LINGO2: variants seen among roughly 807,000 people sequenced by gnomAD.
The protein encoded by LINGO2 is leucine rich repeat and Ig domain containing 2, also known as leucine-rich repeat and immunoglobulin-like domain-containing nogo receptor-interacting protein 2.
In LINGO2, 14 loss-of-function variants were observed where a neutral mutation model predicts 30.6. The observed-to-expected ratio is 0.46, with a 90% confidence interval of 0.30 to 0.72. The LOEUF (loss-of-function observed/expected upper bound fraction) is 0.72, where lower values mean the gene tolerates loss of function less well. Ranked by LOEUF, LINGO2 falls within the 30% of genes least tolerant of loss-of-function variation. The probability of loss-of-function intolerance (pLI) is 0.07; values close to 1 mark genes in which losing one functional copy is unlikely to be tolerated. For missense variants in LINGO2, 729 were observed against 751.7 expected, an observed-to-expected ratio of 0.97 and a Z score of 0.35; for synonymous variants, 317 against 288.5, an observed-to-expected ratio of 1.10 and a Z score of -1.00.
chr9:28,247,404 GAAT>G (rs1474577450), intron 4 of LINGO2, among the ~76,000 whole-genome samples: 1 of 152,168 alleles, frequency 6.6e-6, no homozygotes, highest in East Asian at 1.9e-4. Flanking sequence ...ATAAACCATG[GAAT>G]ATTATGCAGC....
At chr9:28,483,495 G>A (rs1009885840) in intron 1 of LINGO2, among the ~76,000 whole-genome samples, 1 of 151,432 alleles carries the variant, frequency 6.6e-6, no homozygotes, top group Non-Finnish European at 1.5e-5. Flanking sequence ...TGTGCTCATT[G>A]AAATCTGTTT....
the LINGO2 span, among the ~76,000 whole-genome samples, chr9:28,932,673 T>G: frequency 0.041 from 6,254 of 152,146 alleles, 198 homozygotes; most frequent in Admixed American, 0.082. Context: ...CCTCCTCCTA[T>G]ATTATCATTG....
chr9:29,183,149 G>C, the LINGO2 span, among the ~76,000 whole-genome samples: 1 of 152,186 alleles, frequency 6.6e-6, no homozygotes, highest in Admixed American at 6.5e-5. Flanking sequence ...ATAGTACCTA[G>C]AATGCCAGGG....
the LINGO2 span, among the ~76,000 whole-genome samples, chr9:29,177,846 G>C: frequency 6.6e-6 from 1 of 152,100 alleles, no homozygotes; most frequent in Non-Finnish European, 1.5e-5. Context: ...CAGAGGAATA[G>C]TACTTGGCTA....
chr9:28,294,043 T>G (rs1564101687), intron 4 of LINGO2, among the ~76,000 whole-genome samples: 1 of 152,118 alleles, frequency 6.6e-6, no homozygotes, highest in Non-Finnish European at 1.5e-5. Context: ...GCCATGAGAT[T>G]GGTAATCTAC....
At chr9:29,043,913 C>T in the LINGO2 span, among the ~76,000 whole-genome samples, 4 of 151,938 alleles carry the variant, frequency 2.6e-5, no homozygotes, top group Non-Finnish European at 1.5e-5. Context: ...ATGCAAGAAA[C>T]CTGAGTTCAA....
intron 1 of LINGO2, among the ~76,000 whole-genome samples, chr9:28,576,798 C>T (rs941587845): frequency 3.9e-5 from 6 of 152,048 alleles, no homozygotes; most frequent in African/African-American, 1.2e-4. Flanking sequence ...TTTTGGTGTA[C>T]CCTTAACAGA....
chr9:28,948,291 GTCTT>G, the LINGO2 span, among the ~76,000 whole-genome samples: 2 of 152,056 alleles, frequency 1.3e-5, no homozygotes, highest in Admixed American at 6.6e-5. Context: ...GCTTGTGGAT[GTCTT>G]TCTAAAAGTT....
chr9:29,020,252 C>A, the LINGO2 span, among the ~76,000 whole-genome samples: 2 of 152,078 alleles, frequency 1.3e-5, no homozygotes, highest in African/African-American at 4.8e-5. Context: ...CAAGAACTAA[C>A]GGACTAATGG....
At chr9:29,073,131 A>G in the LINGO2 span, among the ~76,000 whole-genome samples, 3 of 152,016 alleles carry the variant, frequency 2.0e-5, no homozygotes, top group African/African-American at 7.2e-5. Flanking sequence ...CTATTATTCC[A>G]TTAGAAAGTG....
At chr9:27,957,364 G>A (rs1819624849) in intron 5 of LINGO2, among the ~76,000 whole-genome samples, 1 of 152,150 alleles carries the variant, frequency 6.6e-6, no homozygotes, top group Non-Finnish European at 1.5e-5. Flanking sequence ...CGCAATCTTG[G>A]CTCACTGCAA....
At chr9:29,007,593 G>C in the LINGO2 span, among the ~76,000 whole-genome samples, 2 of 151,984 alleles carry the variant, frequency 1.3e-5, no homozygotes, top group South Asian at 4.1e-4. Context: ...AGGACAGAAA[G>C]ACAGGTCACA....
At chr9:27,997,965 G>C (rs117085037) in intron 5 of LINGO2, among the ~76,000 whole-genome samples, 155 of 151,874 alleles carry the variant, frequency 1.0e-3, no homozygotes, top group African/African-American at 3.5e-3. Context: ...GGGGTGGGAG[G>C]GGGGGAGGTG....
the LINGO2 span, among the ~76,000 whole-genome samples, chr9:29,076,177 C>G: frequency 2.6e-4 from 40 of 152,100 alleles, no homozygotes; most frequent in Middle Eastern, 6.8e-3. Context: ...TAAACCCAAT[C>G]AAAAAACATT....
At chr9:28,695,686 A>G in the LINGO2 span, among the ~76,000 whole-genome samples, 1 of 151,698 alleles carries the variant, frequency 6.6e-6, no homozygotes, top group Non-Finnish European at 1.5e-5. Flanking sequence ...TAAAGCTGCC[A>G]ATATTGTTGA....
chr9:29,037,865 A>G, the LINGO2 span, among the ~76,000 whole-genome samples: 3 of 152,064 alleles, frequency 2.0e-5, no homozygotes, highest in Non-Finnish European at 4.4e-5. Flanking sequence ...TTCAATATAT[A>G]GAAAAGCACA....
the LINGO2 span, among the ~76,000 whole-genome samples, chr9:28,913,075 C>T: frequency 6.6e-6 from 1 of 152,106 alleles, no homozygotes; most frequent in South Asian, 2.1e-4. Context: ...AGTTTACACT[C>T]AGTTTCAACT....
At chr9:28,104,568 G>GT (rs1316914923) in intron 4 of LINGO2, among the ~76,000 whole-genome samples, 1 of 151,274 alleles carries the variant, frequency 6.6e-6, no homozygotes. Context: ...TTGTTTACAT[G>GT]TTTTTTTTCA....
the LINGO2 span, among the ~76,000 whole-genome samples, chr9:29,035,080 A>C: frequency 6.6e-6 from 1 of 152,196 alleles, no homozygotes; most frequent in African/African-American, 2.4e-5. Flanking sequence ...TAGATGATTA[A>C]ATAATAAAAC....
Sources: allele counts gnomAD v4.1 joint callset (sites outside exome capture counted in the v4.1 genomes callset), GRCh38; gene constraint gnomAD v4.1.1; transcripts MANE v1.5; gene names NCBI Gene and HGNC (gene_info 2026-07-23, HGNC 2026-07-21).